Variants in PCDHGB1 observed in about 807,000 individuals in gnomAD.
PCDHGB1 encodes the protein protocadherin gamma subfamily B, 1, also known as protocadherin gamma-B1.
A neutral mutation model predicts 56.6 loss-of-function variants in PCDHGB1; 34 were observed. The observed-to-expected ratio is 0.60, with a 90% CI of 0.46 to 0.80. The LOEUF is 0.80. PCDHGB1 is among the 30% of genes least tolerant of loss of function. PCDHGB1 has a pLI of 0.00. For synonymous variants in PCDHGB1, 561 were observed against 505.9 expected, an observed-to-expected ratio of 1.11 and a Z score of -1.46; for missense variants, 1,278 against 1,204.6, an observed-to-expected ratio of 1.06 and a Z score of -0.90.
intron 2 of PCDHGB1, among the ~76,000 whole-genome samples, chr5:141,496,955 G>T (rs2099772887): frequency 6.6e-6 from 1 of 152,006 alleles, no homozygotes; most frequent in African/African-American, 2.4e-5. Context: ...GGAGGCCAAG[G>T]TGGGTAGATC....
intron 1 of PCDHGB1, chr5:141,384,697 C>CA (rs1290309898): frequency 6.2e-7 from 1 of 1,614,142 alleles, no homozygotes; most frequent in Non-Finnish European, 8.5e-7. Context: ...AGATTCAGGC[C>CA]AGAACGCCTG....
chr5:141,362,313 T>C, intron 1 of PCDHGB1: 1 of 1,614,046 alleles, frequency 6.2e-7, no homozygotes, highest in Non-Finnish European at 8.5e-7. Flanking sequence ...CTTGGGACTG[T>C]TTTCAGCCTG....
At chr5:141,461,281 C>T (rs1305044383) in intron 1 of PCDHGB1, among the ~76,000 whole-genome samples, 1 of 152,050 alleles carries the variant, frequency 6.6e-6, no homozygotes, top group Non-Finnish European at 1.5e-5. Flanking sequence ...CTCTTTTCCC[C>T]ACATCCACAC....
Position 141,409,176 on chromosome 5 carries a change from G to A in PCDHGB1, c.2409+56507G>A. On this transcript the variant is annotated intron_variant, in intron 1 of 3. Transcript: ENST00000523390. ...ATGGAAGTGGAAGCGAAGGACGGAG[G>A]TGGTCTCTCTACCCAGTGTAAAGTA... The A allele has an allele frequency of 6.2e-7, 1 of 1,614,026 alleles. No individual in the cohort carries two copies. The highest frequency in any genetic ancestry group is 8.5e-7 in the Non-Finnish European group (1 of 1,179,892).
chr5:141,385,108 A>G, intron 1 of PCDHGB1: 3 of 1,614,126 alleles, frequency 1.9e-6, no homozygotes. Context: ...GAACGTGCCC[A>G]CCTCGCACTT....
chr5:141,376,550 C>T (rs1772814272), intron 1 of PCDHGB1: 2 of 1,611,946 alleles, frequency 1.2e-6, no homozygotes, highest in African/African-American at 1.3e-5. Context: ...ATCTGATCTT[C>T]CCGCAACCCA....
intron 1 of PCDHGB1, among the ~76,000 whole-genome samples, chr5:141,386,755 G>A (rs72790029): frequency 0.064 from 9,806 of 152,198 alleles, 370 homozygotes; most frequent in African/African-American, 0.1. Context: ...GCAGAACTAC[G>A]GTTATAAGGT....
At chr5:141,414,081 T>C (rs748527220) in intron 1 of PCDHGB1, 1 of 1,601,774 alleles carries the variant, frequency 6.2e-7, no homozygotes, top group South Asian at 1.1e-5. Flanking sequence ...ACAAATATAC[T>C]GGAGAAATAA....
chr5:141,400,302 T>C (rs7701363), intron 1 of PCDHGB1: 17,655 of 1,614,082 alleles, frequency 0.011, 144 homozygotes, highest in Admixed American at 0.034. Flanking sequence ...GCTTCCAACC[T>C]GGTCTCTGTG....
chr5:141,403,927 G>A, intron 1 of PCDHGB1: 3 of 1,613,852 alleles, frequency 1.9e-6, no homozygotes, highest in East Asian at 2.2e-5. Context: ...AAGATGGTGG[G>A]GGATTGAAAG....
rs755190269 is a variant in PCDHGB1 at position 141,385,225 on chromosome 5, G to A, written c.2409+32556G>A. 9.9e-6 allele frequency: 16 copies of A among 1,614,114 alleles called. No individual in the cohort carries two copies. Among genetic ancestry groups the A allele is most frequent in the Non-Finnish European group, 1.3e-5 (15 of 1,180,054 alleles). On this transcript the variant is annotated intron_variant, in intron 1 of 3. Transcript: ENST00000523390. ...CCTGATCTTCCCCCAGCCCAACTAT[G>A]TAGACATGCTCATCAGCCAGGAGAG...
At chr5:141,376,514 T>C in intron 1 of PCDHGB1, 1 of 1,613,998 alleles carries the variant, frequency 6.2e-7, no homozygotes, top group Non-Finnish European at 8.5e-7. Context: ...TCAGGTGAGT[T>C]TCTTTCCGCC....
intron 1 of PCDHGB1, chr5:141,422,102 T>A: frequency 6.2e-7 from 1 of 1,609,526 alleles, no homozygotes; most frequent in Non-Finnish European, 8.5e-7. Context: ...GCTTCTGAAA[T>A]ATTCCAATTG....
Position 141,505,556 on chromosome 5 carries a change from C to T in PCDHGB1, c.2557+75C>T, listed in dbSNP as rs2233611. ...GGGTGCATCTCACAGCCACCATGCC[C>T]ACGGACTGGATGTCAAACCTGTGTA... On this transcript the variant is annotated intron_variant, in intron 3 of 3. Transcript: ENST00000523390. 1,282 of 1,606,040 alleles carry T rather than the reference C, an allele frequency of 8.0e-4. 6 individuals are homozygous for T. In the African/African-American group the frequency reaches 0.013, roughly 16 times the overall value.
Position 141,400,079 on chromosome 5 carries a change from C to G in PCDHGB1, c.2409+47410C>G, listed in dbSNP as rs1377742612. On this transcript the variant is annotated intron_variant, in intron 1 of 3. Coordinates refer to ENST00000523390, the MANE Select transcript of PCDHGB1 (RefSeq NM_018922.3). ...CGTGATGGTGGACAGCCGCCACTCT[C>G]CGCCACCGCCACGCTGCACTTGGTC... 2.5e-6 allele frequency: 4 copies of G among 1,613,924 alleles called. No individual in the cohort carries two copies. In the East Asian group the frequency reaches 6.7e-5, roughly 27 times the overall value.
intron 1 of PCDHGB1, chr5:141,402,922 C>A: frequency 1.3e-6 from 2 of 1,576,446 alleles, no homozygotes; most frequent in Non-Finnish European, 8.6e-7. Flanking sequence ...GCACAGAGAT[C>A]CTTTTGAGAA....
At chr5:141,365,103 G>T (rs1178900186) in intron 1 of PCDHGB1, 3 of 1,613,722 alleles carry the variant, frequency 1.9e-6, no homozygotes, top group Non-Finnish European at 1.7e-6. Flanking sequence ...ATACCTGTGG[G>T]CACTCGGCTG....
chr5:141,424,497 A>G (rs2096824503), intron 1 of PCDHGB1: 2 of 152,174 alleles, frequency 1.3e-5, no homozygotes, highest in African/African-American at 2.4e-5. Flanking sequence ...GTTTGTATGT[A>G]TGGAAGGTTT....
chr5:141,471,254 T>A (rs1043647138), intron 1 of PCDHGB1: 1 of 151,828 alleles, frequency 6.6e-6, no homozygotes, highest in African/African-American at 2.4e-5. Flanking sequence ...TTTCACCATG[T>A]TGGCAAGGCT....
Sources: allele counts gnomAD v4.1 joint callset (sites outside exome capture counted in the v4.1 genomes callset), GRCh38; gene constraint gnomAD v4.1.1; transcripts MANE v1.5; gene names NCBI Gene and HGNC (gene_info 2026-07-23, HGNC 2026-07-21).